ATP9B: variants seen among roughly 807,000 people sequenced by gnomAD.
ATP9B encodes ATPase phospholipid transporting 9B.
Under a neutral mutation model 146.1 loss-of-function variants are expected in ATP9B, and 110 were observed. The observed-to-expected ratio is 0.75, with a 90% CI of 0.65 to 0.88. The LOEUF (loss-of-function observed/expected upper bound fraction) is 0.88, where lower values mean the gene tolerates loss of function less well. ATP9B is among the 40% of genes least tolerant of loss of function. The pLI, the probability that ATP9B is intolerant of heterozygous loss-of-function variation, is 0.00. For synonymous variants in ATP9B, 604 were observed against 569.7 expected, an observed-to-expected ratio of 1.06 and a Z score of -0.86; for missense variants, 1,499 against 1,496.4, an observed-to-expected ratio of 1.00 and a Z score of -0.03.
chr18:79,244,161 T>C (rs550553474), intron 11 of ATP9B, among the ~76,000 whole-genome samples: 2 of 145,370 alleles, frequency 1.4e-5, no homozygotes, highest in Admixed American at 6.9e-5. Context: ...TTCTCCGCAG[T>C]TTCTTTAAAA....
At chr18:79,150,038 G>A (rs1048151283) in intron 6 of ATP9B, among the ~76,000 whole-genome samples, 1 of 151,962 alleles carries the variant, frequency 6.6e-6, no homozygotes, top group Non-Finnish European at 1.5e-5. Flanking sequence ...CCAAGATTGC[G>A]CCACTGCACT....
chr18:79,287,594 G>A (rs1421356558), intron 13 of ATP9B, among the ~76,000 whole-genome samples: 1 of 151,076 alleles, frequency 6.6e-6, no homozygotes, highest in African/African-American at 2.4e-5. Flanking sequence ...TTTTTTGAAG[G>A]GTTTTTTGTG....
chr18:79,267,805 T>C (rs2096218369), intron 12 of ATP9B, among the ~76,000 whole-genome samples: 1 of 152,110 alleles, frequency 6.6e-6, no homozygotes, highest in Non-Finnish European at 1.5e-5. Flanking sequence ...CTGTGTGTGC[T>C]TCAAAACAAC....
intron 7 of ATP9B, among the ~76,000 whole-genome samples, chr18:79,163,835 A>G (rs962309573): frequency 1.3e-5 from 2 of 149,858 alleles, no homozygotes; most frequent in East Asian, 1.9e-4. Flanking sequence ...AGTTGTTTTA[A>G]TATTTTTATA....
Position 79,328,693 on chromosome 18 carries a change from T to C in ATP9B, c.1774-448T>C, listed in dbSNP as rs1471505043. The stretch of plus-strand genomic sequence containing the variant: ...AGTTAATTAGTCACCAATTTGTCTC[T>C]TATTTTAGAAAAATAATTACCATAA... On this transcript the variant is annotated intron_variant, in intron 15 of 29. Coordinates refer to ENST00000426216, the MANE Select transcript of ATP9B (RefSeq NM_198531.5). Among the ~76,000 whole-genome samples the C allele has an allele frequency of 2.0e-5, 3 of 152,204 alleles. No individual in the cohort carries two copies. In the East Asian group the frequency reaches 5.8e-4, roughly 29 times the overall value.
intron 9 of ATP9B, among the ~76,000 whole-genome samples, chr18:79,199,890 C>T (rs567659227): frequency 6.6e-6 from 1 of 152,270 alleles, no homozygotes; most frequent in African/African-American, 2.4e-5. Flanking sequence ...CGTGTAATAA[C>T]AGGCAGGGAT....
At chr18:79,214,478 G>C (rs927215619) in intron 11 of ATP9B, among the ~76,000 whole-genome samples, 17 of 152,134 alleles carry the variant, frequency 1.1e-4, no homozygotes, top group African/African-American at 4.1e-4. Context: ...GTCAGAAGAA[G>C]CATATTGAAG....
At chr18:79,293,469 C>T (rs10438900) in intron 13 of ATP9B, among the ~76,000 whole-genome samples, 66,209 of 151,626 alleles carry the variant, frequency 0.44, 14,688 homozygotes, top group Middle Eastern at 0.55. Flanking sequence ...TTAGTTGTCA[C>T]AAGAGTGGGT....
At chr18:79,346,583 G>T (rs144011433) in intron 23 of ATP9B, among the ~76,000 whole-genome samples, 1 of 113,964 alleles carries the variant, frequency 8.8e-6, no homozygotes, top group Non-Finnish European at 1.9e-5. Context: ...CGTGCTCAGC[G>T]CACAGTCAGC....
intron 11 of ATP9B, among the ~76,000 whole-genome samples, chr18:79,219,931 T>C (rs1568431591): frequency 6.6e-6 from 1 of 152,152 alleles, no homozygotes; most frequent in Non-Finnish European, 1.5e-5. Context: ...GGCTCATACA[T>C]TGTTGGCAAT....
At chr18:79,238,425 G>A (rs2095861427) in intron 11 of ATP9B, among the ~76,000 whole-genome samples, 1 of 152,182 alleles carries the variant, frequency 6.6e-6, no homozygotes, top group Admixed American at 6.5e-5. Flanking sequence ...CATGTGCAGG[G>A]CCCCTGCCTG....
chr18:79,109,044 C>T (rs2075834041), intron 2 of ATP9B, among the ~76,000 whole-genome samples: 1 of 152,188 alleles, frequency 6.6e-6, no homozygotes, highest in African/African-American at 2.4e-5. Flanking sequence ...GTGTCAGCCT[C>T]ATTTTGTAAT....
intron 11 of ATP9B, among the ~76,000 whole-genome samples, chr18:79,222,002 A>T (rs1393988604): frequency 6.6e-6 from 1 of 151,890 alleles, no homozygotes; most frequent in East Asian, 1.9e-4. Context: ...AGCATAACTC[A>T]TATCCCTAGA....
chr18:79,264,537 G>A (rs1419154703), intron 12 of ATP9B, among the ~76,000 whole-genome samples: 4 of 121,170 alleles, frequency 3.3e-5, no homozygotes, highest in Non-Finnish European at 7.6e-5. Flanking sequence ...AAATATATGA[G>A]GTTTTTTTTT....
At chr18:79,344,791 A>C (rs756397354) in intron 21 of ATP9B, among the ~76,000 whole-genome samples, 14 of 152,192 alleles carry the variant, frequency 9.2e-5, no homozygotes, top group Non-Finnish European at 1.5e-4. Context: ...GGAGACCTGG[A>C]GGAGGAGCGA....
At chr18:79,069,778 A>G (rs2071498094) in intron 1 of ATP9B, among the ~76,000 whole-genome samples, 5 of 152,240 alleles carry the variant, frequency 3.3e-5, no homozygotes, top group Admixed American at 3.3e-4. Context: ...AGGAGCCAGA[A>G]CGGGAGCAGA....
At chr18:79,250,385 A>G (rs2096010863) in intron 11 of ATP9B, among the ~76,000 whole-genome samples, 1 of 152,194 alleles carries the variant, frequency 6.6e-6, no homozygotes, top group Non-Finnish European at 1.5e-5. Context: ...GATTTGGATG[A>G]ATAGAGTAAA....
chr18:79,264,841 C>T (rs532934311), intron 12 of ATP9B, among the ~76,000 whole-genome samples: 69 of 152,190 alleles, frequency 4.5e-4, no homozygotes, highest in Non-Finnish European at 8.7e-4. Flanking sequence ...GTTACCTGTT[C>T]TGTTCCCTTG....
intron 13 of ATP9B, among the ~76,000 whole-genome samples, chr18:79,294,765 A>G (rs1014110594): frequency 6.6e-6 from 1 of 152,162 alleles, no homozygotes; most frequent in South Asian, 2.1e-4. Context: ...AATGATACTG[A>G]CATGCCCATG....
Sources: gnomAD v4.1 joint callset for allele counts (sites outside exome capture counted in the v4.1 genomes callset) on GRCh38, gnomAD v4.1.1 for gene constraint, MANE v1.5 for transcripts, NCBI Gene and HGNC (gene_info 2026-07-23, HGNC 2026-07-21) for gene names.